Variants in DLGAP1 observed in about 807,000 individuals in gnomAD.
The protein encoded by DLGAP1 is DLG associated protein 1, also known as disks large-associated protein 1.
A neutral mutation model predicts 90.8 loss-of-function variants in DLGAP1; 11 were observed. That is an observed-to-expected ratio of 0.12 (90% CI 0.08 to 0.20). DLGAP1 has a LOEUF of 0.20. DLGAP1 is among the 10% of genes least tolerant of loss of function. DLGAP1 has a pLI of 1.00. For missense variants in DLGAP1, 1,050 were observed against 1,333.8 expected (o/e 0.79, Z 3.31); for synonymous variants, 558 against 540.7 (o/e 1.03, Z -0.44).
rs1013314205 is a variant in DLGAP1, at chr18:4,420,492, G to A, written c.-267+34514C>T. Among the ~76,000 whole-genome samples, 9 of 152,048 alleles carry A rather than the reference G, an allele frequency of 5.9e-5. No individual in the cohort carries two copies. In the South Asian group the frequency reaches 6.2e-4, roughly 11 times the overall value. ...AAGTCAAGTTCCTACTTTATCTTTC[G>A]TTTCTACTTATAGTTCTCTCTCTCT... On this transcript the variant is annotated intron_variant, in intron 1 of 12. Coordinates refer to ENST00000315677, the MANE Select transcript of DLGAP1 (RefSeq NM_004746.4).
rs1346683021 is a variant in DLGAP1, at chr18:3,954,693, T to C, written c.-73+50423A>G. Among the ~76,000 whole-genome samples, 3 of 152,204 alleles carry C rather than the reference T, an allele frequency of 2.0e-5. No homozygotes were observed. In the East Asian group the frequency reaches 5.8e-4, roughly 29 times the overall value. On this transcript the variant is annotated intron_variant, in intron 3 of 12. Coordinates refer to ENST00000315677, the MANE Select transcript of DLGAP1 (RefSeq NM_004746.4). ...AAGATTAGGAACTTTTCAAAGGGTCTATAAATCACTAAAGGGATGAGATAC... is the reference window on the plus strand; with the variant it reads ...AAGATTAGGAACTTTTCAAAGGGTCCATAAATCACTAAAGGGATGAGATAC...
chr18:4,217,555 T>C (rs1461059796), intron 1 of DLGAP1, among the ~76,000 whole-genome samples: 3 of 152,044 alleles, frequency 2.0e-5, no homozygotes, highest in Non-Finnish European at 4.4e-5. Context: ...TGACAGATGA[T>C]GTTCCGTGTA....
intron 2 of DLGAP1, among the ~76,000 whole-genome samples, chr18:4,053,136 C>T (rs916277743): frequency 3.3e-5 from 5 of 152,176 alleles, no homozygotes; most frequent in African/African-American, 1.2e-4. Context: ...GTCTGCAGTA[C>T]CAATTTACTA....
intron 9 of DLGAP1, among the ~76,000 whole-genome samples, chr18:3,544,171 C>A (rs570582680): frequency 1.3e-5 from 2 of 152,290 alleles, no homozygotes; most frequent in African/African-American, 4.8e-5. Flanking sequence ...GGGTGGATCA[C>A]CTGAGGTCAG....
At chr18:4,090,178 T>C (rs1436136911) in intron 2 of DLGAP1, among the ~76,000 whole-genome samples, 1 of 152,160 alleles carries the variant, frequency 6.6e-6, no homozygotes, top group Non-Finnish European at 1.5e-5. Flanking sequence ...ATTCAGGACA[T>C]AGGCACGGGC....
intron 1 of DLGAP1, among the ~76,000 whole-genome samples, chr18:4,432,650 TCTTA>T (rs1567918346): frequency 6.6e-6 from 1 of 151,466 alleles, no homozygotes; most frequent in Non-Finnish European, 1.5e-5. Context: ...AGATCTACTT[TCTTA>T]AAGTATACAT....
intron 3 of DLGAP1, among the ~76,000 whole-genome samples, chr18:3,968,004 C>T (rs2073366085): frequency 6.6e-6 from 1 of 152,080 alleles, no homozygotes; most frequent in African/African-American, 2.4e-5. Flanking sequence ...TTGCTTATCA[C>T]TACCAATAAA....
At chr18:3,955,904 TAGAAA>T (rs1433795678) in intron 3 of DLGAP1, among the ~76,000 whole-genome samples, 2 of 151,802 alleles carry the variant, frequency 1.3e-5, no homozygotes, top group Admixed American at 1.3e-4. Context: ...ATAAAACACA[TAGAAA>T]AAAGAACAAT....
intron 3 of DLGAP1, among the ~76,000 whole-genome samples, chr18:3,972,505 A>T (rs1367866489): frequency 9.9e-5 from 15 of 150,774 alleles, no homozygotes; most frequent in South Asian, 4.2e-4. Context: ...ACACACACAC[A>T]CACTCTCTCT....
intron 2 of DLGAP1, among the ~76,000 whole-genome samples, chr18:4,038,974 C>A (rs1466886798): frequency 6.6e-6 from 1 of 152,076 alleles, no homozygotes; most frequent in Non-Finnish European, 1.5e-5. Context: ...GGGTTGCATT[C>A]CATCCCCTTC....
chr18:3,911,178 T>C (rs572424186), intron 3 of DLGAP1, among the ~76,000 whole-genome samples: 30 of 152,162 alleles, frequency 2.0e-4, no homozygotes, highest in Non-Finnish European at 2.6e-4. Context: ...TCGAGCCATG[T>C]TTAGGGTGCA....
In DLGAP1 at chr18:4,324,133, G is replaced by GA. The variant is rs1272151036; in HGVS notation, c.-267+130872dup. Among the ~76,000 whole-genome samples the GA allele has an allele frequency of 6.0e-5, 9 of 150,846 alleles. No homozygotes were observed. In the East Asian group the frequency reaches 1.6e-3, roughly 26 times the overall value. ...ATAGACCACTAACTACACATATAAA[G>GA]AAAAAAAAGATAAGATCCAAGTAAA... On this transcript the variant is annotated intron_variant, in intron 1 of 12. Transcript: ENST00000315677.
chr18:3,941,668 T>A (rs1185269204), intron 3 of DLGAP1, among the ~76,000 whole-genome samples: 1 of 152,140 alleles, frequency 6.6e-6, no homozygotes, highest in East Asian at 1.9e-4. Context: ...TTTTGTAATA[T>A]AAAAACATTT....
chr18:4,194,275 G>A (rs1440183586), intron 1 of DLGAP1, among the ~76,000 whole-genome samples: 1 of 152,088 alleles, frequency 6.6e-6, no homozygotes, highest in African/African-American at 2.4e-5. Context: ...TTCTGTTCCT[G>A]CGTTAATTTC....
chr18:4,436,782 C>G (rs1050644636), intron 1 of DLGAP1, among the ~76,000 whole-genome samples: 1 of 152,122 alleles, frequency 6.6e-6, no homozygotes, highest in Non-Finnish European at 1.5e-5. Flanking sequence ...GAAGGTGAAC[C>G]AGCTATTCTC....
intron 2 of DLGAP1, among the ~76,000 whole-genome samples, chr18:4,051,509 T>C (rs12604971): frequency 0.15 from 23,253 of 152,200 alleles, 2,257 homozygotes; most frequent in East Asian, 0.34. Flanking sequence ...AAGAACAGCA[T>C]GGAGGGTAAC....
At chr18:3,541,751 T>C (rs2052704390) in intron 9 of DLGAP1, among the ~76,000 whole-genome samples, 1 of 152,206 alleles carries the variant, frequency 6.6e-6, no homozygotes, top group South Asian at 2.1e-4. Context: ...GTAGCTGACA[T>C]TGTGCTATAA....
At chr18:3,889,311 G>A (rs972453352) in intron 3 of DLGAP1, among the ~76,000 whole-genome samples, 3 of 152,066 alleles carry the variant, frequency 2.0e-5, no homozygotes, top group Admixed American at 6.6e-5. Flanking sequence ...ATGAAACCAA[G>A]TTATTTTTGT....
intron 2 of DLGAP1, among the ~76,000 whole-genome samples, chr18:4,114,056 CT>C (rs58180172): frequency 0.01 from 1,109 of 106,770 alleles, 2 homozygotes; most frequent in African/African-American, 0.031. Flanking sequence ...ATGCCTCTGG[CT>C]TTTTTTTTTT....
Sources: allele counts gnomAD v4.1 joint callset (sites outside exome capture counted in the v4.1 genomes callset), GRCh38; gene constraint gnomAD v4.1.1; transcripts MANE v1.5; gene names NCBI Gene and HGNC (gene_info 2026-07-23, HGNC 2026-07-21).